C1QTNF4: variants seen among roughly 807,000 people sequenced by gnomAD.
C1QTNF4 encodes the protein complement C1q tumor necrosis factor-related protein 4.
A neutral mutation model predicts 14.6 loss-of-function variants in C1QTNF4; 12 were observed. The observed-to-expected ratio is 0.82, with a 90% confidence interval of 0.53 to 1.33. The LOEUF is 1.33. Among genes scored for constraint, C1QTNF4 ranks in the 40% most tolerant of loss-of-function variants. C1QTNF4 has a pLI of 0.00. For synonymous variants in C1QTNF4, 278 were observed against 246.6 expected (o/e 1.13, Z -1.19); for missense variants, 558 against 500.3 (o/e 1.12, Z -1.10).
intron 1 of C1QTNF4, 118 bp downstream of exon 1, chr11:47,594,030 A>G (rs1220600796): frequency 6.6e-6 from 1 of 151,768 alleles, no homozygotes; most frequent in Non-Finnish European, 1.5e-5. Flanking sequence ...CTGTTTCACG[A>G]AAAGGCTCCC....
chr11:47,593,428 C>T (rs1470685201), intron 1 of C1QTNF4, among the ~76,000 whole-genome samples: 4 of 152,132 alleles, frequency 2.6e-5, no homozygotes, highest in Admixed American at 6.5e-5. Flanking sequence ...TTTTCCATAC[C>T]GCTGCTTTCC....
intron 1 of C1QTNF4, 105 bp from the exon 2 acceptor site, chr11:47,590,920 G>T: frequency 7.1e-7 from 1 of 1,417,018 alleles, no homozygotes; most frequent in South Asian, 1.5e-5. Flanking sequence ...CCCTGCCCTT[G>T]ACCCACAAGT....
intron 1 of C1QTNF4, among the ~76,000 whole-genome samples, chr11:47,591,836 C>CT (rs1432053945): frequency 6.6e-6 from 1 of 152,228 alleles, no homozygotes; most frequent in East Asian, 1.9e-4. Context: ...AGGGGAGTCT[C>CT]TGAGTTCCCC....
At position 47,590,042 on chromosome 11, in the gene C1QTNF4, T is replaced by A. The variant is rs746972788; in HGVS notation, c.769A>T (p.Met257Leu). 6.2e-7 allele frequency: 1 copy of A among 1,612,666 alleles called. No individual in the cohort carries two copies. Among genetic ancestry groups the A allele is most frequent in the East Asian group, 2.2e-5 (1 of 44,776 alleles). The change falls in exon 2 of 2, where the codon ATG (methionine) becomes TTG (leucine). Residue 257 changes from methionine (M) to leucine (L), a missense_variant. Met to Leu is a conservative substitution (Grantham distance 15). Transcript: ENST00000302514. ...LMKNRDEVQA[M>L]IYDDGASRRR... ...CGCGACGCGCCGTCGTCGTAAATCA[T>A]GGCCTGCACCTCGTCGCGGTTCTTC...
At chr11:47,591,407 T>G (rs2097275580) in intron 1 of C1QTNF4, among the ~76,000 whole-genome samples, 1 of 127,280 alleles carries the variant, frequency 7.9e-6, no homozygotes, top group Non-Finnish European at 1.6e-5. Context: ...CTTTTTTTTT[T>G]GAGACGGAGT....
At chr11:47,590,973 G>A (rs1480559978) in intron 1 of C1QTNF4, among the ~76,000 whole-genome samples, 158 bp from the exon 2 acceptor site, 1 of 152,146 alleles carries the variant, frequency 6.6e-6, no homozygotes, top group Non-Finnish European at 1.5e-5. Context: ...AAACTCTAGC[G>A]AGCCTCACTG....
rs1318559447 is a variant in C1QTNF4, at chr11:47,590,130, G to A, written c.681C>T (p.Gly227=). The A allele has an allele frequency of 6.2e-7, 1 of 1,610,598 alleles. No individual in the cohort carries two copies. ...CCAGCGTGAAGGAGAAGAAGTAGGC[G>A]CCGGGCAGACGGCAGCGGAACACGC... ...AAGVFRCRLP[G]AYFFSFTLGK... The change falls in exon 2 of 2, where the codon GGC becomes GGT. Residue 227 remains glycine, a synonymous_variant. Coordinates refer to ENST00000302514, the MANE Select transcript of C1QTNF4 (RefSeq NM_031909.3).
At chr11:47,591,396 CCT>C (rs1565949096) in intron 1 of C1QTNF4, among the ~76,000 whole-genome samples, 2 of 118,246 alleles carry the variant, frequency 1.7e-5, no homozygotes. Context: ...CGCCCCCCCC[CCT>C]TTTTTTTTTG....
rs1166273566 is a variant in C1QTNF4, at chr11:47,589,799, G to C, written c.*22C>G. The C allele has an allele frequency of 6.0e-6, 9 of 1,492,698 alleles. No homozygotes were observed. In the Admixed American group the frequency reaches 7.5e-5, roughly 12 times the overall value. 92.5% of individuals were successfully genotyped at this position (1,492,698 alleles called of 1,614,324 possible). On this transcript the variant is annotated 3_prime_UTR_variant, in exon 2 of 2. Transcript: ENST00000302514. ...TGGCATGCACGCCCCTGGCCCTCCC[G>C]GGCTCTTCTCTGGCCCGGGGCTCAC...
At position 47,590,346 on chromosome 11, in the gene C1QTNF4, T is replaced by G. The variant is rs1411809391; in HGVS notation, c.465A>C (p.Leu155=). Residue 155 remains leucine (L), a synonymous_variant, in exon 2 of 2, where the codon CTA becomes CTC. Transcript: ENST00000302514. ...CGTCAGCGTCGGCGTCGGCGTAGAC[T>G]AGGTAGCCGCTGAAGGTGGCGCCGG... ...GAPGATFSGY[L]VYADADADAP... is the part of the protein sequence containing the mutation. 1.3e-5 allele frequency: 17 copies of G among 1,358,370 alleles called. No homozygotes were observed. The highest frequency in any genetic ancestry group is 1.6e-5 in the Non-Finnish European group (17 of 1,063,328). The allele number at this position is 1,358,370 out of a possible 1,614,324, so 84.1% of individuals were successfully genotyped here. A position where few individuals can be genotyped will look rare whatever the true frequency, so the allele number is the denominator to read the frequency against.
intron 1 of C1QTNF4, among the ~76,000 whole-genome samples, chr11:47,592,045 C>CA (rs2097275954): frequency 6.6e-6 from 1 of 152,186 alleles, no homozygotes; most frequent in South Asian, 2.1e-4. Context: ...GAGGCGAGAA[C>CA]AGTTGGGCTT....
chr11:47,591,526 C>T (rs988119686), intron 1 of C1QTNF4, among the ~76,000 whole-genome samples: 103 of 151,504 alleles, frequency 6.8e-4, no homozygotes, highest in African/African-American at 2.3e-3. Context: ...GTAGCTGGGA[C>T]TACAGGCTTG....
At chr11:47,592,459 T>C (rs1017337380) in intron 1 of C1QTNF4, among the ~76,000 whole-genome samples, 1 of 152,152 alleles carries the variant, frequency 6.6e-6, no homozygotes, top group African/African-American at 2.4e-5. Context: ...GATGCTTCTG[T>C]CGGTTGCCCT....
intron 1 of C1QTNF4, 40 bp from the exon 2 acceptor site, chr11:47,590,855 G>A (rs763019441): frequency 1.4e-6 from 2 of 1,437,954 alleles, no homozygotes; most frequent in South Asian, 1.5e-5. Context: ...AGTGTTGGCA[G>A]GGGCGGCTTC....
upstream of C1QTNF4, chr11:47,594,727 G>A (rs2097277337): frequency 6.6e-6 from 1 of 152,512 alleles, no homozygotes; most frequent in Non-Finnish European, 1.5e-5. Flanking sequence ...AAGGACAGTG[G>A]AAGGTGAGAT....
In C1QTNF4 at chr11:47,590,873, C is replaced by T. The variant is rs1295416806; in HGVS notation, c.-5-58G>A. 9.8e-6 allele frequency: 14 copies of T among 1,432,530 alleles called. No homozygotes were observed. In the South Asian group the frequency reaches 1.9e-4, roughly 20 times the overall value. 88.7% of individuals were successfully genotyped at this position (1,432,530 alleles called of 1,614,324 possible). On this transcript the variant is annotated intron_variant, in intron 1 of 1. Transcript: ENST00000302514. ...GTTGGCAGGGGCGGCTTCCAAACGC[C>T]CGGCTCTCCACCGGGAGACAAGGGT...
intron 1 of C1QTNF4, among the ~76,000 whole-genome samples, chr11:47,592,425 T>G (rs2097276121): frequency 1.3e-5 from 2 of 152,188 alleles, no homozygotes; most frequent in Non-Finnish European, 2.9e-5. Flanking sequence ...ACATGGTTTG[T>G]CAACGGCAGT....
In C1QTNF4 at chr11:47,590,412, C is replaced by A. The variant is rs1238897121; in HGVS notation, c.399G>T (p.Trp133Cys). Residue 133 changes from tryptophan (W) to cysteine (C), a missense_variant, in exon 2 of 2, where the codon TGG (tryptophan) becomes TGT (cysteine). Physicochemically the swap from Trp to Cys is radical, Grantham distance 215. Coordinates refer to ENST00000302514, the MANE Select transcript of C1QTNF4 (RefSeq NM_031909.3). ...MLQLDYGDTVWLRLHGAPQYA... is the reference protein window; with the variant it reads ...MLQLDYGDTVCLRLHGAPQYA... ...ACTGCGGGGCGCCATGCAGCCGCAGCCACACTGTGTCGCCGTAGTCGAGCT... is the reference window on the plus strand; with the variant it reads ...ACTGCGGGGCGCCATGCAGCCGCAGACACACTGTGTCGCCGTAGTCGAGCT... 10 of 1,496,014 alleles carry A rather than the reference C, an allele frequency of 6.7e-6. No individual in the cohort carries two copies. In the East Asian group the frequency reaches 2.0e-4, roughly 30 times the overall value. 92.7% of individuals were successfully genotyped at this position (1,496,014 alleles called of 1,614,324 possible).
At position 47,590,504 on chromosome 11, in the gene C1QTNF4, C is replaced by T; in HGVS notation, c.307G>A (p.Ala103Thr). 1 of 1,566,014 alleles carries T rather than the reference C, an allele frequency of 6.4e-7. No homozygotes were observed. Among genetic ancestry groups the T allele is most frequent in the Non-Finnish European group, 8.6e-7 (1 of 1,157,292 alleles). The change falls in exon 2 of 2, where the codon GCG becomes ACG. Residue 103 changes from alanine to threonine, a missense_variant. Physicochemically the swap from Ala to Thr is moderately conservative, Grantham distance 58. Transcript: ENST00000302514. ...CGCCGCTGCTCGTCGAAGGCCAGCG[C>T]CTGCACCTCGTCGCGGTTTCGCACC... ...MLVRNRDEVQ[A>T]LAFDEQRRPG...
Sources: gnomAD v4.1 joint callset for allele counts (sites outside exome capture counted in the v4.1 genomes callset) on GRCh38, gnomAD v4.1.1 for gene constraint, MANE v1.5 for transcripts, NCBI Gene and HGNC (gene_info 2026-07-23, HGNC 2026-07-21) for gene names.